DOCK1: variants seen among roughly 807,000 people sequenced by gnomAD.
DOCK1 encodes the protein dedicator of cytokinesis 1, also known as dedicator of cytokinesis protein 1.
Under a neutral mutation model 262.7 loss-of-function variants are expected in DOCK1, and 138 were observed. The observed-to-expected ratio is 0.53, with a 90% CI of 0.46 to 0.61. DOCK1 has a LOEUF of 0.61. DOCK1 is among the 20% of genes least tolerant of loss of function. DOCK1 has a pLI of 0.00. For missense variants in DOCK1, 1,908 were observed against 2,370.7 expected (o/e 0.80, Z 4.05); for synonymous variants, 866 against 867.4 (o/e 1.00, Z 0.03).
At chr10:127,128,746 T>C (rs2050129649) in intron 27 of DOCK1, among the ~76,000 whole-genome samples, 1 of 152,198 alleles carries the variant, frequency 6.6e-6, no homozygotes. Context: ...CTGCATACTA[T>C]TCCATGGTGT....
intron 33 of DOCK1, among the ~76,000 whole-genome samples, chr10:127,372,242 G>A (rs754919681): frequency 4.7e-4 from 72 of 152,280 alleles, no homozygotes; most frequent in Admixed American, 7.8e-4. Context: ...CAGGCAGGGC[G>A]TCTGTGTCCA....
intron 23 of DOCK1, among the ~76,000 whole-genome samples, chr10:127,088,170 G>A (rs1389241138): frequency 6.6e-6 from 1 of 152,014 alleles, no homozygotes; most frequent in African/African-American, 2.4e-5. Flanking sequence ...CATATGTTTG[G>A]GCACACTGTG....
intron 46 of DOCK1, among the ~76,000 whole-genome samples, chr10:127,423,317 A>C (rs192780358): frequency 1.3e-5 from 2 of 152,158 alleles, no homozygotes; most frequent in African/African-American, 4.8e-5. Context: ...CATCACCGAT[A>C]TATAATAAGC....
intron 32 of DOCK1, among the ~76,000 whole-genome samples, chr10:127,360,367 G>A (rs1159654467): frequency 1.1e-5 from 1 of 93,938 alleles, no homozygotes; most frequent in Non-Finnish European, 2.2e-5. Flanking sequence ...ACTAGCAGGA[G>A]GGGGAGGGGC....
At chr10:127,296,331 T>C (rs1237875790) in intron 29 of DOCK1, among the ~76,000 whole-genome samples, 2 of 152,164 alleles carry the variant, frequency 1.3e-5, no homozygotes, top group Non-Finnish European at 2.9e-5. Flanking sequence ...CATCCTCACG[T>C]AGTGGAGCTG....
intron 27 of DOCK1, among the ~76,000 whole-genome samples, chr10:127,141,971 G>A (rs1402775023): frequency 1.3e-5 from 2 of 152,184 alleles, no homozygotes; most frequent in South Asian, 4.1e-4. Flanking sequence ...CCTCCTTTCC[G>A]TCTTCTAGGA....
intron 44 of DOCK1, 82 bp from the exon 45 acceptor site, chr10:127,418,283 C>T: frequency 7.0e-7 from 1 of 1,434,102 alleles, no homozygotes; most frequent in Non-Finnish European, 9.2e-7. Flanking sequence ...AAGCCTGCCC[C>T]AGAGCACGTG....
At chr10:127,182,301 T>A (rs972219925) in intron 27 of DOCK1, among the ~76,000 whole-genome samples, 2 of 152,104 alleles carry the variant, frequency 1.3e-5, no homozygotes, top group Non-Finnish European at 2.9e-5. Context: ...AAAACACTCT[T>A]AACGAACAAA....
intron 29 of DOCK1, among the ~76,000 whole-genome samples, chr10:127,326,355 T>C (rs2062747853): frequency 6.6e-6 from 1 of 152,260 alleles, no homozygotes; most frequent in African/African-American, 2.4e-5. Flanking sequence ...ACTAACTTTA[T>C]GTAATATTCT....
At chr10:127,195,266 C>T (rs537572192) in intron 27 of DOCK1, among the ~76,000 whole-genome samples, 10 of 152,264 alleles carry the variant, frequency 6.6e-5, no homozygotes, top group African/African-American at 2.2e-4. Context: ...CCGCGGGCTC[C>T]CTCCTCCCTC....
intron 27 of DOCK1, among the ~76,000 whole-genome samples, chr10:127,216,807 T>C (rs2134394168): frequency 6.6e-6 from 1 of 152,322 alleles, no homozygotes; most frequent in South Asian, 2.1e-4. Flanking sequence ...AAAAAATTGC[T>C]GATTTAATAA....
Position 127,237,235 on chromosome 10 carries a change from C to T in DOCK1, c.2848-10773C>T, listed in dbSNP as rs192735002. ...ATTAGCCGGGTATGGTGACGGGTGC[C>T]TGTAATCCCAGCTACTTGGGAGGCT... On this transcript the variant is annotated intron_variant, in intron 27 of 51. Transcript: ENST00000623213. 3.5e-3 allele frequency among the ~76,000 whole-genome samples: 526 copies of T among 151,896 alleles called. 3 individuals are homozygous for T. Among genetic ancestry groups the T allele is most frequent in the African/African-American group, 0.012 (501 of 41,398 alleles).
intron 27 of DOCK1, among the ~76,000 whole-genome samples, chr10:127,196,611 T>G (rs1004558001): frequency 3.7e-4 from 5 of 13,664 alleles, no homozygotes; most frequent in African/African-American, 5.8e-4. Context: ...GGGGCGGAGG[T>G]GGGGCGGGGG....
intron 29 of DOCK1, among the ~76,000 whole-genome samples, chr10:127,264,194 A>G (rs983948132): frequency 2.6e-4 from 39 of 152,204 alleles, no homozygotes; most frequent in African/African-American, 8.9e-4. Flanking sequence ...TAAAAATTCA[A>G]CTACTCCAGC....
intron 23 of DOCK1, among the ~76,000 whole-genome samples, chr10:127,071,818 C>T (rs1354218437): frequency 2.6e-5 from 4 of 152,138 alleles, no homozygotes; most frequent in Non-Finnish European, 5.9e-5. Flanking sequence ...TTTATGTTTT[C>T]TTTAATTTTA....
chr10:126,928,150 C>CCTTCA (rs2033908209), intron 1 of DOCK1, among the ~76,000 whole-genome samples: 1 of 152,166 alleles, frequency 6.6e-6, no homozygotes, highest in Non-Finnish European at 1.5e-5. Context: ...AGAGTGAAGG[C>CCTTCA]GTTCAGCAGA....
rs552386719 is a variant in DOCK1 at position 127,413,892 on chromosome 10, C to T, written c.4429-1260C>T. On this transcript the variant is annotated intron_variant, in intron 43 of 51. Transcript: ENST00000623213. ...TAAGAAGTTTGGGATAAATGCTTTCCAAGATCCAAGTCAGTTTTCTGAAAA... is the reference window on the plus strand; with the variant it reads ...TAAGAAGTTTGGGATAAATGCTTTCTAAGATCCAAGTCAGTTTTCTGAAAA... 4.0e-5 allele frequency among the ~76,000 whole-genome samples: 6 copies of T among 151,816 alleles called. No homozygotes were observed. In the East Asian group the frequency reaches 7.8e-4, roughly 20 times the overall value.
chr10:127,294,617 C>G (rs1285677041), intron 29 of DOCK1, among the ~76,000 whole-genome samples: 1 of 149,398 alleles, frequency 6.7e-6, no homozygotes, highest in Non-Finnish European at 1.5e-5. Flanking sequence ...CCACCACACC[C>G]AGTCAAATGT....
intron 29 of DOCK1, among the ~76,000 whole-genome samples, chr10:127,326,572 T>C (rs1201936784): frequency 6.6e-6 from 1 of 152,220 alleles, no homozygotes; most frequent in African/African-American, 2.4e-5. Flanking sequence ...AATTTACTTC[T>C]TCCTCTGAAG....
Sources: gnomAD v4.1 joint callset for allele counts (sites outside exome capture counted in the v4.1 genomes callset) on GRCh38, gnomAD v4.1.1 for gene constraint, MANE v1.5 for transcripts, NCBI Gene and HGNC (gene_info 2026-07-23, HGNC 2026-07-21) for gene names.